Variants in RGS6 observed in about 807,000 individuals in gnomAD.
RGS6 encodes regulator of G protein signaling 6.
RGS6 carries 30 observed loss-of-function variants against 78.5 expected under a neutral mutation model. The observed-to-expected ratio is 0.38, with a 90% CI of 0.29 to 0.52. The LOEUF (loss-of-function observed/expected upper bound fraction) is 0.52, where lower values mean the gene tolerates loss of function less well. Among genes scored for constraint, RGS6 ranks in the 20% least tolerant of loss-of-function variants. The pLI is 0.85. For missense variants in RGS6, 495 were observed against 609.7 expected, an observed-to-expected ratio of 0.81 and a Z score of 1.98; for synonymous variants, 206 against 206.0, an observed-to-expected ratio of 1.00 and a Z score of 0.00.
At chr14:72,360,130 A>G (rs755438768) in intron 3 of RGS6, among the ~76,000 whole-genome samples, 3 of 152,180 alleles carry the variant, frequency 2.0e-5, no homozygotes, top group Non-Finnish European at 4.4e-5. Flanking sequence ...GAAAACTTCA[A>G]GGAGTTATAT....
chr14:72,232,646 A>C (rs750418022), intron 2 of RGS6, among the ~76,000 whole-genome samples: 2 of 152,098 alleles, frequency 1.3e-5, no homozygotes, highest in Non-Finnish European at 2.9e-5. Context: ...GGAGAGGCGG[A>C]TCTGGCTTGA....
At chr14:71,917,912 G>A in the RGS6 span, among the ~76,000 whole-genome samples, 2 of 152,008 alleles carry the variant, frequency 1.3e-5, no homozygotes, top group Admixed American at 6.6e-5. Context: ...GGTGGCTCAC[G>A]CCTGTAATCC....
chr14:72,120,460 G>A (rs763246852), intron 2 of RGS6, among the ~76,000 whole-genome samples: 2 of 152,142 alleles, frequency 1.3e-5, no homozygotes, highest in Non-Finnish European at 2.9e-5. Flanking sequence ...GGAACAACCT[G>A]CCGTTTTAAA....
At chr14:72,323,182 A>T (rs1350493936) in intron 2 of RGS6, among the ~76,000 whole-genome samples, 1 of 152,162 alleles carries the variant, frequency 6.6e-6, no homozygotes, top group Admixed American at 6.5e-5. Flanking sequence ...ATAAGGAAAT[A>T]CACTTAGGTG....
At chr14:72,106,986 T>C (rs2095646769) in intron 2 of RGS6, among the ~76,000 whole-genome samples, 1 of 152,164 alleles carries the variant, frequency 6.6e-6, no homozygotes, top group Admixed American at 6.6e-5. Context: ...CACTGTATTT[T>C]GATGTTAACA....
chr14:72,260,041 A>C (rs2057859469), intron 2 of RGS6, among the ~76,000 whole-genome samples: 2 of 152,170 alleles, frequency 1.3e-5, no homozygotes, highest in South Asian at 4.1e-4. Context: ...TCTTTAATCA[A>C]ATAAAAATTT....
the RGS6 span, chr14:72,612,707 C>A: frequency 4.3e-6 from 2 of 460,704 alleles, no homozygotes; most frequent in Non-Finnish European, 8.7e-6. Context: ...GCTTTGCATC[C>A]CTTTGATAGC....
intron 2 of RGS6, among the ~76,000 whole-genome samples, chr14:72,034,368 T>C (rs1359835492): frequency 6.6e-6 from 1 of 151,228 alleles, no homozygotes; most frequent in Non-Finnish European, 1.5e-5. Context: ...TTTTTGTGTG[T>C]TTTTGTCATG....
chr14:71,944,597 A>T (rs184256532), intron 1 of RGS6, among the ~76,000 whole-genome samples: 11 of 152,372 alleles, frequency 7.2e-5, no homozygotes, highest in East Asian at 3.8e-4. Flanking sequence ...CAAATAGATG[A>T]TGAAGACAGT....
intron 15 of RGS6, 108 bp downstream of exon 15, chr14:72,518,645 T>G: frequency 9.2e-7 from 1 of 1,090,396 alleles, no homozygotes; most frequent in East Asian, 2.6e-5. Flanking sequence ...AATTTCAGAT[T>G]TGGTTATTTT....
At chr14:72,540,774 GCCT>G in intron 17 of RGS6, 1 of 985,366 alleles carries the variant, frequency 1.0e-6, no homozygotes, top group Middle Eastern at 5.2e-4. Context: ...GGTCCTACCG[GCCT>G]CCTCAGGCCT....
chr14:72,431,784 G>A (rs1478534523), intron 3 of RGS6, among the ~76,000 whole-genome samples: 1 of 152,094 alleles, frequency 6.6e-6, no homozygotes, highest in Non-Finnish European at 1.5e-5. Flanking sequence ...AGAGCCCTCT[G>A]GCCAAATTCT....
intron 17 of RGS6, 70 bp from the exon 18 acceptor site, chr14:72,562,347 G>T: frequency 6.7e-7 from 1 of 1,493,102 alleles, no homozygotes; most frequent in South Asian, 1.1e-5. Flanking sequence ...TAATTCACCT[G>T]TCTGGCTCTC....
intron 2 of RGS6, among the ~76,000 whole-genome samples, chr14:72,236,712 G>A (rs528510672): frequency 2.6e-5 from 4 of 152,098 alleles, no homozygotes; most frequent in South Asian, 2.1e-4. Context: ...CTTCCCACAC[G>A]GTGAGGGGGC....
intron 2 of RGS6, among the ~76,000 whole-genome samples, chr14:72,120,441 C>G (rs1253275647): frequency 1.3e-5 from 2 of 152,110 alleles, no homozygotes; most frequent in African/African-American, 2.4e-5. Context: ...GTAGAAAGCA[C>G]AAAATCATGG....
chr14:72,369,106 G>A (rs2082963985), intron 3 of RGS6, among the ~76,000 whole-genome samples: 1 of 152,172 alleles, frequency 6.6e-6, no homozygotes, highest in Admixed American at 6.5e-5. Context: ...ATTTGTGTTA[G>A]GCTACATTCA....
chr14:72,109,421 G>A (rs2095705163), intron 2 of RGS6, among the ~76,000 whole-genome samples: 2 of 152,136 alleles, frequency 1.3e-5, no homozygotes, highest in South Asian at 2.1e-4. Context: ...ATCTCCTCAG[G>A]AATTCCTCAG....
At chr14:72,409,794 G>A (rs1367039617) in intron 3 of RGS6, among the ~76,000 whole-genome samples, 2 of 151,926 alleles carry the variant, frequency 1.3e-5, no homozygotes, top group African/African-American at 4.8e-5. Context: ...GTTCCCACCT[G>A]TGAGTGAGAA....
chr14:72,446,819 A>T (rs1372334056), intron 3 of RGS6, among the ~76,000 whole-genome samples: 1 of 152,186 alleles, frequency 6.6e-6, no homozygotes, highest in East Asian at 1.9e-4. Context: ...CCTGGCATGC[A>T]CAGTTCACAA....
Sources: allele counts gnomAD v4.1 joint callset (sites outside exome capture counted in the v4.1 genomes callset), GRCh38; gene constraint gnomAD v4.1.1; transcripts MANE v1.5; gene names NCBI Gene and HGNC (gene_info 2026-07-23, HGNC 2026-07-21).